The following TGFA variants were observed in gnomAD, a reference collection of about 807,000 sequenced individuals.
TGFA encodes transforming growth factor alpha, also known as protransforming growth factor alpha.
Under a neutral mutation model 21.7 loss-of-function variants are expected in TGFA, and 12 were observed. That is an observed-to-expected ratio of 0.55 (90% CI 0.35 to 0.90). The LOEUF (loss-of-function observed/expected upper bound fraction) is 0.90. TGFA is among the 40% of genes least tolerant of loss of function. The pLI, the probability that TGFA is intolerant of heterozygous loss-of-function variation, is 0.01. For missense variants in TGFA, 178 were observed against 210.8 expected (o/e 0.84, Z 0.96); for synonymous variants, 79 against 88.1 (o/e 0.90, Z 0.58).
At chr2:70,483,361 T>G (rs1195760635) in intron 2 of TGFA, among the ~76,000 whole-genome samples, 1 of 152,202 alleles carries the variant, frequency 6.6e-6, no homozygotes, top group Non-Finnish European at 1.5e-5. Flanking sequence ...TTTTCCATTC[T>G]CTGAGCAATT....
intron 1 of TGFA, among the ~76,000 whole-genome samples, chr2:70,547,468 G>C (rs1553506076): frequency 6.6e-6 from 1 of 151,136 alleles, no homozygotes; most frequent in African/African-American, 2.4e-5. Flanking sequence ...ACTTAAACCT[G>C]GGAGGCAGAG....
chr2:70,538,382 T>A (rs1673035813), intron 1 of TGFA, among the ~76,000 whole-genome samples: 8 of 152,186 alleles, frequency 5.3e-5, no homozygotes, highest in Admixed American at 5.2e-4. Context: ...CTGCCACAGA[T>A]TTGTGATTCT....
chr2:70,484,401 T>A (rs1214840733), intron 2 of TGFA, among the ~76,000 whole-genome samples: 1 of 152,260 alleles, frequency 6.6e-6, no homozygotes, highest in Non-Finnish European at 1.5e-5. Flanking sequence ...TCTACAGAAT[T>A]GATCTATGAT....
chr2:70,547,545 GA>G (rs112107973), intron 1 of TGFA, among the ~76,000 whole-genome samples: 94,024 of 135,800 alleles, frequency 0.69, 31,806 homozygotes, highest in East Asian at 0.76. Context: ...TCCATCTCAA[GA>G]AAAAAAAAAA....
At chr2:70,544,333 GAT>G (rs1229186335) in intron 1 of TGFA, among the ~76,000 whole-genome samples, 1 of 151,422 alleles carries the variant, frequency 6.6e-6, no homozygotes, top group Non-Finnish European at 1.5e-5. Flanking sequence ...ATTAAAATAA[GAT>G]ATTTAATAAG....
Position 70,449,522 on chromosome 2 carries a change from C to A in TGFA, c.*1337G>T. On this transcript the variant is annotated 3_prime_UTR_variant, in exon 6 of 6. Transcript: ENST00000295400. ...GGCAGGCCCCATGGGTCAGATGGAC[C>A]CAGATGCTCAGGGGAACAATTGCTC... is the stretch of plus-strand genomic sequence containing the variant. The A allele has an allele frequency of 5.0e-6, 1 of 198,342 alleles. No homozygotes were observed. Among genetic ancestry groups the A allele is most frequent in the Non-Finnish European group, 1.1e-5 (1 of 92,372 alleles). The allele number at this position is 198,342 out of a possible 1,614,324, so 12.3% of individuals were successfully genotyped here. A position where few individuals can be genotyped will look rare whatever the true frequency, so the allele number is the denominator to read the frequency against.
intron 2 of TGFA, among the ~76,000 whole-genome samples, chr2:70,509,357 G>C (rs1672023872): frequency 6.6e-6 from 1 of 152,118 alleles, no homozygotes; most frequent in Non-Finnish European, 1.5e-5. Context: ...AACAAGTAAA[G>C]CCTTCAAAGG....
chr2:70,544,396 A>T (rs1263988319), intron 1 of TGFA, among the ~76,000 whole-genome samples: 2 of 152,120 alleles, frequency 1.3e-5, no homozygotes, highest in African/African-American at 4.8e-5. Flanking sequence ...TTCAAGCTTA[A>T]ATGATCATCT....
chr2:70,466,630 G>A (rs74549339), intron 2 of TGFA, among the ~76,000 whole-genome samples: 1,923 of 152,326 alleles, frequency 0.013, 57 homozygotes, highest in African/African-American at 0.045. Flanking sequence ...GCTTCTCTTG[G>A]TAGGATTAGG....
At chr2:70,484,526 A>G (rs563034091) in intron 2 of TGFA, among the ~76,000 whole-genome samples, 2 of 152,088 alleles carry the variant, frequency 1.3e-5, no homozygotes, top group Admixed American at 1.3e-4. Context: ...TCATAACAGC[A>G]CTCAGGTTTT....
intron 1 of TGFA, among the ~76,000 whole-genome samples, chr2:70,515,174 T>C (rs1249567460): frequency 6.6e-6 from 1 of 152,240 alleles, no homozygotes; most frequent in African/African-American, 2.4e-5. Context: ...TCTCTCCATC[T>C]GTCAGGGTGG....
chr2:70,509,753 AC>A (rs555742990), intron 2 of TGFA, among the ~76,000 whole-genome samples: 74 of 151,522 alleles, frequency 4.9e-4, no homozygotes, highest in Non-Finnish European at 8.4e-4. Context: ...CCCTCACCAC[AC>A]CCCCTTGGTC....
chr2:70,521,609 G>GTTGGTTTTTTTTTTT (rs1432347684), intron 1 of TGFA, among the ~76,000 whole-genome samples: 2 of 78,876 alleles, frequency 2.5e-5, no homozygotes, highest in African/African-American at 9.9e-5. Context: ...TTTTGTTGTT[G>GTTGGTTTTTTTTTTT]TTTGTTTGTT....
intron 2 of TGFA, among the ~76,000 whole-genome samples, chr2:70,512,516 ACTG>A (rs548789121): frequency 1.3e-3 from 201 of 152,322 alleles, no homozygotes; most frequent in African/African-American, 4.6e-3. Flanking sequence ...CAGGGGTTCA[ACTG>A]CTGTTTTCTG....
At chr2:70,489,817 CAG>C (rs1239842239) in intron 2 of TGFA, among the ~76,000 whole-genome samples, 28 of 152,302 alleles carry the variant, frequency 1.8e-4, no homozygotes, top group Admixed American at 9.1e-4. Context: ...GTTAGAAATG[CAG>C]AGTGTCAGGC....
chr2:70,538,284 C>T (rs1673033266), intron 1 of TGFA, among the ~76,000 whole-genome samples: 1 of 152,192 alleles, frequency 6.6e-6, no homozygotes. Flanking sequence ...TCCATGACTG[C>T]TAACACAGCA....
chr2:70,486,825 C>T (rs1002345061), intron 2 of TGFA, among the ~76,000 whole-genome samples: 13 of 151,970 alleles, frequency 8.6e-5, no homozygotes, highest in African/African-American at 2.7e-4. Flanking sequence ...TGCAGTGGCA[C>T]GATCTCGGCT....
chr2:70,457,853 ACTT>A (rs1553490841), intron 3 of TGFA, among the ~76,000 whole-genome samples: 16 of 152,108 alleles, frequency 1.1e-4, no homozygotes, highest in Non-Finnish European at 2.9e-5. Context: ...GCTGGTGAGG[ACTT>A]CTTAACAGAG....
intron 2 of TGFA, among the ~76,000 whole-genome samples, chr2:70,511,240 C>T (rs17005749): frequency 0.016 from 2,510 of 152,280 alleles, 76 homozygotes; most frequent in African/African-American, 0.057. Context: ...TGCAAATTTA[C>T]ATCATGGGTA....
Sources: allele counts gnomAD v4.1 joint callset (sites outside exome capture counted in the v4.1 genomes callset), GRCh38; gene constraint gnomAD v4.1.1; transcripts MANE v1.5; gene names NCBI Gene and HGNC (gene_info 2026-07-23, HGNC 2026-07-21).